Variants in PHLPP1 observed in about 807,000 individuals in gnomAD.
The protein encoded by PHLPP1 is PH domain and leucine rich repeat protein phosphatase 1, also known as PH domain leucine-rich repeat-containing protein phosphatase 1.
A neutral mutation model predicts 117.2 loss-of-function variants in PHLPP1; 42 were observed. That is an observed-to-expected ratio of 0.36 (90% CI 0.28 to 0.46). The LOEUF (loss-of-function observed/expected upper bound fraction) is 0.46, where lower values mean the gene tolerates loss of function less well. Among genes scored for constraint, PHLPP1 ranks in the 20% least tolerant of loss-of-function variants. The pLI is 1.00. For missense variants in PHLPP1, 2,084 were observed against 2,241.9 expected, an observed-to-expected ratio of 0.93 and a Z score of 1.42; for synonymous variants, 1,042 against 970.7, an observed-to-expected ratio of 1.07 and a Z score of -1.37.
At chr18:62,925,039 C>T (rs572602811) in intron 10 of PHLPP1, among the ~76,000 whole-genome samples, 2 of 151,966 alleles carry the variant, frequency 1.3e-5, no homozygotes, top group Non-Finnish European at 2.9e-5. Context: ...TCTCATTTAC[C>T]TGTCTTTTTA....
At chr18:62,765,376 G>A (rs557210321) in intron 1 of PHLPP1, among the ~76,000 whole-genome samples, 14 of 152,292 alleles carry the variant, frequency 9.2e-5, no homozygotes, top group African/African-American at 3.1e-4. Flanking sequence ...AAAGAGGGGC[G>A]CTGGCATAAT....
At chr18:62,905,138 C>G (rs1460964362) in intron 7 of PHLPP1, 86 bp from the exon 8 acceptor site, 8 of 664,326 alleles carry the variant, frequency 1.2e-5, no homozygotes, top group Middle Eastern at 2.7e-4. Context: ...GAGAATAAAG[C>G]ACAGTAATGA....
In PHLPP1 at chr18:62,721,349, A is replaced by G. The variant is rs1255796289; in HGVS notation, c.1576+4090A>G. 2.6e-5 allele frequency among the ~76,000 whole-genome samples: 4 copies of G among 152,158 alleles called. No individual in the cohort carries two copies. In the East Asian group the frequency reaches 7.7e-4, roughly 29 times the overall value. On this transcript the variant is annotated intron_variant, in intron 1 of 16. Coordinates refer to ENST00000262719, the MANE Select transcript of PHLPP1 (RefSeq NM_194449.4). ...TTTATTCTCTTATTCAAGCATACCT[A>G]TTTGTTAAACTGTAAATCTTCATTG...
At chr18:62,729,557 C>T (rs1911171426) in intron 1 of PHLPP1, among the ~76,000 whole-genome samples, 2 of 152,072 alleles carry the variant, frequency 1.3e-5, no homozygotes, top group South Asian at 4.2e-4. Context: ...CGGCTGTAAT[C>T]CCAGCTACTC....
At chr18:62,968,496 A>G (rs1268073516) in intron 14 of PHLPP1, among the ~76,000 whole-genome samples, 1 of 149,746 alleles carries the variant, frequency 6.7e-6, no homozygotes, top group African/African-American at 2.5e-5. Context: ...AAATGTATTA[A>G]CATAAGCCTG....
intron 3 of PHLPP1, among the ~76,000 whole-genome samples, chr18:62,858,827 A>G (rs1915562184): frequency 6.6e-6 from 1 of 152,126 alleles, no homozygotes; most frequent in Admixed American, 6.6e-5. Context: ...TTGATTTGGA[A>G]ATGGTAGTGT....
At chr18:62,884,602 C>T (rs922614044) in intron 4 of PHLPP1, among the ~76,000 whole-genome samples, 4 of 152,346 alleles carry the variant, frequency 2.6e-5, no homozygotes, top group African/African-American at 9.6e-5. Context: ...TGAGCAGCTC[C>T]TTCATTACTT....
chr18:62,796,683 G>A (rs1913639003), intron 1 of PHLPP1, among the ~76,000 whole-genome samples: 1 of 152,212 alleles, frequency 6.6e-6, no homozygotes, highest in Non-Finnish European at 1.5e-5. Context: ...TAGTCAGGTA[G>A]GTGCCTTTAG....
Position 62,945,278 on chromosome 18 carries a change from G to T in PHLPP1, c.3324+7G>T. On this transcript the variant is annotated splice_region_variant and intron_variant, in intron 12 of 16. Coordinates refer to ENST00000262719, the MANE Select transcript of PHLPP1 (RefSeq NM_194449.4). The stretch of plus-strand genomic sequence containing the variant: ...GCAGCTCCCAGAGATCAAGGTATGT[G>T]GTTTCATTTCATAAACTCTAAGCTT... 6.3e-7 allele frequency: 1 copy of T among 1,585,792 alleles called. No individual in the cohort carries two copies. The highest frequency in any genetic ancestry group is 1.9e-5 in the Admixed American group (1 of 53,458).
Position 62,975,464 on chromosome 18 carries a change from G to A in PHLPP1, c.3823G>A (p.Val1275Met). 1 of 1,613,796 alleles carries A rather than the reference G, an allele frequency of 6.2e-7. No individual in the cohort carries two copies. Among genetic ancestry groups the A allele is most frequent in the African/African-American group, 1.3e-5 (1 of 75,042 alleles). ...CCTTTGTCATATCAAGCATGACCCT[G>A]TGGATCCAGGAGGATCCTTCACCTT... ...AVLCHIKHDP[V>M]DPGGSFTLTS... is the part of the protein sequence containing the mutation. Residue 1275 changes from valine (V) to methionine (M), a missense_variant, in exon 16 of 17, where the codon GTG becomes ATG. Physicochemically the swap from Val to Met is conservative, Grantham distance 21 (BLOSUM62 1). This residue lies in a region of PHLPP1 where 1,365 missense variants were observed against 1,605.9 expected (regional missense o/e 0.85). Transcript: ENST00000262719.
chr18:62,881,321 C>A (rs527253491), intron 4 of PHLPP1, among the ~76,000 whole-genome samples: 2 of 152,154 alleles, frequency 1.3e-5, no homozygotes, highest in Admixed American at 1.3e-4. Context: ...GCCTTTACAG[C>A]AAAATGTCCA....
At chr18:62,724,033 T>A (rs1389016887) in intron 1 of PHLPP1, among the ~76,000 whole-genome samples, 1 of 152,160 alleles carries the variant, frequency 6.6e-6, no homozygotes, top group African/African-American at 2.4e-5. Context: ...TGCCTTTTCT[T>A]ATGGACTTGG....
intron 10 of PHLPP1, among the ~76,000 whole-genome samples, chr18:62,935,266 G>A (rs1308322094): frequency 6.6e-6 from 1 of 152,162 alleles, no homozygotes; most frequent in African/African-American, 2.4e-5. Context: ...TATATTGGTA[G>A]TGAAAATCCC....
intron 4 of PHLPP1, among the ~76,000 whole-genome samples, chr18:62,894,296 A>G (rs138525134): frequency 2.4e-4 from 36 of 152,230 alleles, no homozygotes; most frequent in African/African-American, 7.7e-4. Flanking sequence ...CCCAGGTTCA[A>G]GTGATTCTTG....
At chr18:62,947,067 A>G (rs1910316241) in intron 12 of PHLPP1, among the ~76,000 whole-genome samples, 1 of 152,194 alleles carries the variant, frequency 6.6e-6, no homozygotes, top group Non-Finnish European at 1.5e-5. Context: ...AACAAACAAC[A>G]ACAACAACAA....
rs1215102528 is a variant in PHLPP1, at chr18:62,915,138, C to A, written c.2804+130C>A. On this transcript the variant is annotated intron_variant, in intron 9 of 16. Coordinates refer to ENST00000262719, the MANE Select transcript of PHLPP1 (RefSeq NM_194449.4). The stretch of plus-strand genomic sequence containing the variant: ...TTAAAAACTAATATGGTGTCTTTTA[C>A]CCCATGTGGTGTCTTCAAGTTACAC... 2.2e-5 allele frequency: 14 copies of A among 640,262 alleles called. No homozygotes were observed. The East Asian group carries it at 3.9e-4, about 18-fold the overall frequency. 39.7% of individuals were successfully genotyped at this position (640,262 alleles called of 1,614,324 possible). A position where few individuals can be genotyped will look rare whatever the true frequency, so the allele number is the denominator to read the frequency against.
chr18:62,976,589 C>T (rs1286042405), intron 16 of PHLPP1, among the ~76,000 whole-genome samples: 1 of 152,208 alleles, frequency 6.6e-6, no homozygotes, highest in Non-Finnish European at 1.5e-5. Flanking sequence ...CTTCTGCTCC[C>T]TAGCACAGTG....
At chr18:62,941,980 G>T in intron 11 of PHLPP1, 62 bp downstream of exon 11, 1 of 1,314,924 alleles carries the variant, frequency 7.6e-7, no homozygotes. Flanking sequence ...TCATAGAAAG[G>T]TGAAGGCTGA....
intron 1 of PHLPP1, among the ~76,000 whole-genome samples, chr18:62,824,378 A>G (rs546671275): frequency 4.6e-5 from 7 of 152,330 alleles, no homozygotes; most frequent in African/African-American, 1.2e-4. Flanking sequence ...ATATTCATAC[A>G]ATGTAATACT....
Sources: gnomAD v4.1 joint callset for allele counts (sites outside exome capture counted in the v4.1 genomes callset) on GRCh38, gnomAD v4.1.1 for gene constraint, gnomAD v4.1.1 regional missense constraint, MANE v1.5 for transcripts, NCBI Gene and HGNC (gene_info 2026-07-23, HGNC 2026-07-21) for gene names.